Variants in RPTOR observed in about 807,000 individuals in gnomAD.
RPTOR encodes the protein regulatory associated protein of MTOR complex 1.
In RPTOR, 21 loss-of-function variants were observed where a neutral mutation model predicts 169.9. The observed-to-expected ratio is 0.12, with a 90% confidence interval of 0.09 to 0.18. The LOEUF is 0.18. RPTOR is among the 10% of genes least tolerant of loss of function. The pLI is 1.00. For synonymous variants in RPTOR, 732 were observed against 753.2 expected, an observed-to-expected ratio of 0.97 and a Z score of 0.46; for missense variants, 1,133 against 1,855.9, an observed-to-expected ratio of 0.61 and a Z score of 7.16.
intron 20 of RPTOR, among the ~76,000 whole-genome samples, chr17:80,906,372 A>G (rs1035765025): frequency 6.6e-6 from 1 of 152,210 alleles, no homozygotes; most frequent in Non-Finnish European, 1.5e-5. Context: ...CTACACGGCT[A>G]TCGCAGAGCT....
At chr17:80,855,955 A>G (rs2067847744) in intron 12 of RPTOR, among the ~76,000 whole-genome samples, 1 of 152,152 alleles carries the variant, frequency 6.6e-6, no homozygotes, top group East Asian at 1.9e-4. Flanking sequence ...TCTGCTCACC[A>G]TCATGGCAGG....
intron 4 of RPTOR, among the ~76,000 whole-genome samples, chr17:80,711,775 C>T (rs1276256519): frequency 4.4e-5 from 2 of 45,298 alleles, no homozygotes; most frequent in Middle Eastern, 0.023. Flanking sequence ...TTAAGTCTCC[C>T]TCTGTCGCCA....
chr17:80,922,857 C>T (rs922873062), intron 22 of RPTOR, 30 bp downstream of exon 22: 29 of 1,529,444 alleles, frequency 1.9e-5, no homozygotes, highest in Non-Finnish European at 2.1e-5. Context: ...CCTGCAGGTC[C>T]GTGGTGGTGA....
chr17:80,590,546 CATG>C (rs1340944045), intron 1 of RPTOR, among the ~76,000 whole-genome samples: 2 of 145,808 alleles, frequency 1.4e-5, no homozygotes, highest in Non-Finnish European at 3.0e-5. Context: ...GTGAAGGAGG[CATG>C]CAGGTATGCG....
intron 6 of RPTOR, among the ~76,000 whole-genome samples, chr17:80,765,542 G>A (rs2066777698): frequency 6.6e-6 from 1 of 152,152 alleles, no homozygotes; most frequent in Non-Finnish European, 1.5e-5. Flanking sequence ...TGTAAGGTTT[G>A]GACTGGCGTT....
chr17:80,922,925 C>A, intron 22 of RPTOR, 98 bp downstream of exon 22: 3 of 1,031,692 alleles, frequency 2.9e-6, no homozygotes, highest in Non-Finnish European at 4.2e-6. Flanking sequence ...CCTCCTTCCC[C>A]GCCCTGTCTT....
At chr17:80,827,849 C>T (rs1192315770) in intron 9 of RPTOR, among the ~76,000 whole-genome samples, 1 of 152,212 alleles carries the variant, frequency 6.6e-6, no homozygotes, top group Non-Finnish European at 1.5e-5. Context: ...AGGCCATCTC[C>T]CCCTCACAGC....
intron 1 of RPTOR, among the ~76,000 whole-genome samples, chr17:80,586,091 G>A (rs1162834152): frequency 6.6e-6 from 1 of 152,146 alleles, no homozygotes; most frequent in African/African-American, 2.4e-5. Flanking sequence ...TGGAGGGGCC[G>A]CTAGGCAGGA....
intron 1 of RPTOR, among the ~76,000 whole-genome samples, chr17:80,564,908 G>A (rs746682541): frequency 1.2e-4 from 19 of 152,120 alleles, no homozygotes; most frequent in Non-Finnish European, 2.1e-4. Context: ...TCCCACAAAG[G>A]ACATGATCTT....
intron 6 of RPTOR, among the ~76,000 whole-genome samples, chr17:80,781,103 A>G (rs1322854827): frequency 6.6e-6 from 1 of 152,174 alleles, no homozygotes. Flanking sequence ...AGGAAGGATA[A>G]TAACACACAT....
chr17:80,813,265 G>T (rs2067291269), intron 7 of RPTOR, among the ~76,000 whole-genome samples: 1 of 152,198 alleles, frequency 6.6e-6, no homozygotes, highest in Non-Finnish European at 1.5e-5. Context: ...GAGGCTGGAC[G>T]AGAATATCAC....
At chr17:80,824,282 A>G (rs1390212217) in intron 9 of RPTOR, among the ~76,000 whole-genome samples, 2 of 152,244 alleles carry the variant, frequency 1.3e-5, no homozygotes, top group Non-Finnish European at 2.9e-5. Flanking sequence ...TCTGTAAGAT[A>G]AAATAGAGAA....
intron 1 of RPTOR, among the ~76,000 whole-genome samples, chr17:80,597,861 T>C (rs2065155618): frequency 6.6e-6 from 1 of 152,008 alleles, no homozygotes; most frequent in East Asian, 1.9e-4. Context: ...TTCATCTGAC[T>C]GTATGTGGTG....
intron 1 of RPTOR, 67 bp from the exon 2 acceptor site, chr17:80,625,624 G>A: frequency 7.9e-7 from 1 of 1,261,228 alleles, no homozygotes; most frequent in South Asian, 1.2e-5. Context: ...CATTTTAAAA[G>A]CTGGAAAAAC....
At chr17:80,666,189 T>C (rs147963497) in intron 3 of RPTOR, among the ~76,000 whole-genome samples, 3 of 150,334 alleles carry the variant, frequency 2.0e-5, no homozygotes, top group Admixed American at 6.6e-5. Flanking sequence ...AAATAAATTA[T>C]GTTTATTATC....
At position 80,936,107 on chromosome 17, in the gene RPTOR, G is replaced by A. The variant is rs1157370223; in HGVS notation, c.2920-4389G>A. Among the ~76,000 whole-genome samples, 2 of 152,206 alleles carry A rather than the reference G, an allele frequency of 1.3e-5. No individual in the cohort carries two copies. Among genetic ancestry groups the A allele is most frequent in the Admixed American group, 6.5e-5 (1 of 15,284 alleles). The stretch of plus-strand genomic sequence containing the variant: ...GTGGCAAATAAGGACATGGAATGAT[G>A]CTCATTGTTAAGGATCTTAATCACG... On this transcript the variant is annotated intron_variant, in intron 24 of 33. Transcript: ENST00000306801. This position sits in a 1 kb window ranked among gnomAD's most constrained non-coding sequence, Gnocchi z 4.1.
chr17:80,744,433 C>CACAGCCCTGGTTACGAGCACTGT (rs1567888679), intron 5 of RPTOR, among the ~76,000 whole-genome samples: 1 of 17,872 alleles, frequency 5.6e-5, no homozygotes. Flanking sequence ...ACTAGCACAG[C>CACAGCCCTGGTTACGAGCACTGT]CCTGGCTACT....
intron 7 of RPTOR, among the ~76,000 whole-genome samples, chr17:80,798,374 C>T (rs1343559697): frequency 6.6e-6 from 1 of 152,196 alleles, no homozygotes; most frequent in Non-Finnish European, 1.5e-5. Flanking sequence ...CGCCACCTCC[C>T]AGGGAGGCAT....
In RPTOR at chr17:80,695,917, A is replaced by G. The variant is rs528646621; in HGVS notation, c.349-11924A>G. On this transcript the variant is annotated intron_variant, in intron 3 of 33. Coordinates refer to ENST00000306801, the MANE Select transcript of RPTOR (RefSeq NM_020761.3). The surrounding 1 kb of genome is among the most constrained non-coding windows in gnomAD (Gnocchi z 4.9). Reference sequence around the variant, plus strand: ...TTTCTACCTGCGTGAGCTGGCTTTGATCTACCCCGGACCCATCTTTCTGTG... The same window carrying G: ...TTTCTACCTGCGTGAGCTGGCTTTGGTCTACCCCGGACCCATCTTTCTGTG... Among the ~76,000 whole-genome samples, 3 of 152,184 alleles carry G rather than the reference A, an allele frequency of 2.0e-5. No individual in the cohort carries two copies. In the East Asian group the frequency reaches 5.8e-4, roughly 29 times the overall value.
Sources: allele counts gnomAD v4.1 joint callset (sites outside exome capture counted in the v4.1 genomes callset), GRCh38; gene constraint gnomAD v4.1.1; non-coding constraint Gnocchi (gnomAD v3.1); transcripts MANE v1.5; gene names NCBI Gene and HGNC (gene_info 2026-07-23, HGNC 2026-07-21).